Variants in TMEM164 observed in about 807,000 individuals in gnomAD.
TMEM164 encodes RP13-360B22.2.
Under a neutral mutation model 18.8 loss-of-function variants are expected in TMEM164, and 4 were observed. That is an observed-to-expected ratio of 0.21 (90% confidence interval 0.10 to 0.49). The LOEUF is 0.49. Among genes scored for constraint, TMEM164 ranks in the 20% least tolerant of loss-of-function variants. The pLI, the probability that TMEM164 is intolerant of heterozygous loss-of-function variation, is 0.98. For missense variants in TMEM164, 108 were observed against 239.9 expected, an observed-to-expected ratio of 0.45 and a Z score of 3.63; for synonymous variants, 86 against 101.7, an observed-to-expected ratio of 0.85 and a Z score of 0.93.
chrX:110,124,184 A>AGGAAGGC (rs1569339696), intron 4 of TMEM164, among the ~76,000 whole-genome samples: 3 of 49,071 alleles, frequency 6.1e-5, no homozygotes, highest in East Asian at 1.2e-3. Flanking sequence ...GGAAGGCAGG[A>AGGAAGGC]AGGCAGGCAG....
intron 5 of TMEM164, among the ~76,000 whole-genome samples, chrX:110,158,524 G>A (rs929246308): frequency 1.8e-5 from 2 of 112,535 alleles, no homozygotes; most frequent in Non-Finnish European, 3.8e-5. Flanking sequence ...GGTCACCCAA[G>A]GAGCAATAGC....
intron 2 of TMEM164, chrX:110,055,394 C>T (rs1935776410): frequency 5.8e-6 from 2 of 346,312 alleles, no homozygotes; most frequent in Non-Finnish European, 5.8e-6. Flanking sequence ...AATTGAATGG[C>T]GCCACTAGGG....
chrX:110,045,429 A>C (rs1935277949), intron 2 of TMEM164, among the ~76,000 whole-genome samples: 1 of 112,067 alleles, frequency 8.9e-6, no homozygotes, highest in Non-Finnish European at 1.9e-5. Flanking sequence ...TTATCTTTCA[A>C]ATTACATGCT....
upstream of TMEM164, chrX:110,002,750 C>G (rs1286286393): frequency 1.8e-5 from 2 of 109,103 alleles, no homozygotes; most frequent in Non-Finnish European, 3.8e-5. Flanking sequence ...TAGCCCGATC[C>G]GGGGCCGCGG....
chrX:110,046,551 C>A (rs1813020886), intron 2 of TMEM164: 1 of 679,153 alleles, frequency 1.5e-6, no homozygotes. Context: ...ACTTTTATAC[C>A]TTCTTTCTGT....
intron 5 of TMEM164, among the ~76,000 whole-genome samples, chrX:110,147,917 T>A (rs2148071535): frequency 9.1e-6 from 1 of 110,070 alleles, no homozygotes; most frequent in East Asian, 2.9e-4. Flanking sequence ...TTCTTCCTAT[T>A]CAGCTTGTAT....
chrX:110,067,703 G>C (rs1296585870), intron 3 of TMEM164, among the ~76,000 whole-genome samples: 4 of 112,428 alleles, frequency 3.6e-5, no homozygotes, highest in African/African-American at 1.3e-4. Flanking sequence ...CTAGGGGCCA[G>C]ACAGCTTCCT....
intron 2 of TMEM164, among the ~76,000 whole-genome samples, chrX:110,015,573 G>A (rs1431465058): frequency 9.1e-6 from 1 of 110,223 alleles, no homozygotes; most frequent in Admixed American, 9.6e-5. Context: ...GTGTGTGTGT[G>A]TGTGTGTGCG....
intron 2 of TMEM164, among the ~76,000 whole-genome samples, chrX:110,044,905 GA>G (rs1935256846): frequency 9.0e-6 from 1 of 111,047 alleles, no homozygotes; most frequent in Non-Finnish European, 1.9e-5. Context: ...CTATCTGGGG[GA>G]TGAGTTAGCC....
At chrX:110,038,645 C>T (rs764355849) in intron 2 of TMEM164, among the ~76,000 whole-genome samples, 1 of 110,439 alleles carries the variant, frequency 9.1e-6, no homozygotes, top group East Asian at 2.9e-4. Context: ...GTGTGGGCCT[C>T]ACCTCACCTG....
At chrX:110,042,371 T>A (rs984730148) in intron 2 of TMEM164, among the ~76,000 whole-genome samples, 5 of 112,198 alleles carry the variant, frequency 4.5e-5, no homozygotes, top group African/African-American at 1.6e-4. Flanking sequence ...GTTCCTTTTT[T>A]AAGGGTGAGT....
chrX:110,176,086 G>A lies in TMEM164; in HGVS notation c.*2635G>A. 5.3e-6 allele frequency: 4 copies of A among 756,876 alleles called. No individual in the cohort carries two copies. The South Asian group carries it at 2.7e-4, about 51-fold the overall frequency. The allele number at this position is 756,876 out of a possible 1,213,427, so 62.4% of individuals were successfully genotyped here. On this transcript the variant is annotated 3_prime_UTR_variant, in exon 7 of 7. Coordinates refer to ENST00000372068, the MANE Select transcript of TMEM164 (RefSeq NM_032227.4). ...CAGTTCCCCAGCCAGGTTTCCGTGT[G>A]CCATTTGCCAGCGTGTGGGAGCTCT...
chrX:110,140,048 G>A (rs2066747082), intron 4 of TMEM164, among the ~76,000 whole-genome samples: 1 of 111,532 alleles, frequency 9.0e-6, no homozygotes, highest in Admixed American at 9.5e-5. Flanking sequence ...AGAGGCCAGG[G>A]TGTTGCTAAA....
chrX:110,010,375 G>A (rs1932942591), intron 2 of TMEM164, among the ~76,000 whole-genome samples: 1 of 112,995 alleles, frequency 8.8e-6, no homozygotes, highest in Non-Finnish European at 1.9e-5. Flanking sequence ...TTGTTAAATT[G>A]AGAATGTCTT....
chrX:110,155,971 C>T (rs970781022), intron 5 of TMEM164, among the ~76,000 whole-genome samples: 9 of 111,696 alleles, frequency 8.1e-5, no homozygotes, highest in African/African-American at 2.9e-4. Flanking sequence ...GTAATGCAAT[C>T]ATAGCTCACT....
chrX:110,173,442 A>G lies in TMEM164; in HGVS notation c.885A>G (p.Lys295=), dbSNP rs1569362512. 1 of 1,205,303 alleles carries G rather than the reference A, an allele frequency of 8.3e-7. No homozygotes were observed. The highest frequency in any genetic ancestry group is 2.2e-5 in the Admixed American group (1 of 44,823). ...LLDLLRLPAK[K]ID Reference sequence around the variant, plus strand: ...ATTTGCTCCGGCTTCCAGCCAAGAAAATAGACTGAAGGTGCTTATTTTTTT... The same window carrying G: ...ATTTGCTCCGGCTTCCAGCCAAGAAGATAGACTGAAGGTGCTTATTTTTTT... Residue 295 remains lysine (K), a synonymous_variant, in exon 7 of 7, where the codon AAA becomes AAG. Coordinates refer to ENST00000372068, the MANE Select transcript of TMEM164 (RefSeq NM_032227.4).
chrX:110,010,709 G>A (rs575600890), intron 2 of TMEM164, among the ~76,000 whole-genome samples: 1 of 111,733 alleles, frequency 8.9e-6, no homozygotes, highest in Admixed American at 9.5e-5. Flanking sequence ...GGTGATCTGT[G>A]GGCAAGGCAT....
chrX:110,015,601 T>C (rs1410098234), intron 2 of TMEM164, among the ~76,000 whole-genome samples: 1 of 110,586 alleles, frequency 9.0e-6, no homozygotes, highest in Non-Finnish European at 1.9e-5. Context: ...CACTTTATTC[T>C]CTGCACCCTG....
At chrX:110,067,422 G>C (rs2065519140) in intron 3 of TMEM164, 26 bp downstream of exon 3, 1 of 1,191,226 alleles carries the variant, frequency 8.4e-7, no homozygotes, top group Non-Finnish European at 1.1e-6. Context: ...CTTTTGCTCT[G>C]TTGCTCTTCA....
Sources: allele counts gnomAD v4.1 joint callset (sites outside exome capture counted in the v4.1 genomes callset), GRCh38; gene constraint gnomAD v4.1.1; transcripts MANE v1.5; gene names NCBI Gene and HGNC (gene_info 2026-07-23, HGNC 2026-07-21).